The following SLC4A10 variants were observed in gnomAD, a reference collection of about 807,000 sequenced individuals.
SLC4A10 encodes solute carrier family 4 member 10.
In SLC4A10, 42 loss-of-function variants were observed where a neutral mutation model predicts 137.7. The observed-to-expected ratio is 0.30, with a 90% CI of 0.24 to 0.39. The LOEUF (loss-of-function observed/expected upper bound fraction) is 0.39, where lower values mean the gene tolerates loss of function less well. SLC4A10 is among the 10% of genes least tolerant of loss of function. SLC4A10 has a pLI of 1.00. For missense variants in SLC4A10, 925 were observed against 1,355.0 expected, an observed-to-expected ratio of 0.68 and a Z score of 4.98; for synonymous variants, 474 against 464.1, an observed-to-expected ratio of 1.02 and a Z score of -0.27.
chr2:161,744,458 A>G (rs561575634), intron 1 of SLC4A10, among the ~76,000 whole-genome samples: 2 of 152,282 alleles, frequency 1.3e-5, no homozygotes, highest in African/African-American at 4.8e-5. Context: ...TTGTTGAACT[A>G]TTGCTGCATC....
intron 21 of SLC4A10, among the ~76,000 whole-genome samples, chr2:161,963,710 GT>G (rs1697119216): frequency 6.6e-6 from 1 of 152,130 alleles, no homozygotes; most frequent in Admixed American, 6.5e-5. Context: ...AAAGCCATGG[GT>G]ATGGATGAAC....
intron 3 of SLC4A10, among the ~76,000 whole-genome samples, chr2:161,830,186 A>G (rs1171771150): frequency 1.3e-5 from 2 of 151,808 alleles, no homozygotes; most frequent in Non-Finnish European, 2.9e-5. Flanking sequence ...AATAACAACA[A>G]CCAGGGCAGT....
intron 4 of SLC4A10, 36 bp downstream of exon 4, chr2:161,839,963 A>G: frequency 6.2e-7 from 1 of 1,608,348 alleles, no homozygotes. Flanking sequence ...GGTATACTAA[A>G]GAATTTTCAT....
At chr2:161,769,032 T>G (rs994187108) in intron 1 of SLC4A10, among the ~76,000 whole-genome samples, 1 of 151,950 alleles carries the variant, frequency 6.6e-6, no homozygotes, top group Non-Finnish European at 1.5e-5. Flanking sequence ...TACTCTAACA[T>G]TTCAGTTTTC....
intron 13 of SLC4A10, 83 bp from the exon 14 acceptor site, chr2:161,904,693 C>G: frequency 6.6e-7 from 1 of 1,510,234 alleles, no homozygotes; most frequent in South Asian, 1.3e-5. Flanking sequence ...AAGCACATAT[C>G]CATGTATTTT....
At chr2:161,815,161 G>A (rs1409425865) in intron 3 of SLC4A10, among the ~76,000 whole-genome samples, 2 of 152,114 alleles carry the variant, frequency 1.3e-5, no homozygotes, top group Admixed American at 6.6e-5. Context: ...AATATATTTA[G>A]GTAACTGGTA....
chr2:161,631,183 T>C (rs2033483169), intron 1 of SLC4A10, among the ~76,000 whole-genome samples: 1 of 151,630 alleles, frequency 6.6e-6, no homozygotes, highest in African/African-American at 2.4e-5. Context: ...CAGAGTTTCT[T>C]TTTGCAGTGA....
chr2:161,692,310 G>A (rs1225654351), intron 1 of SLC4A10, among the ~76,000 whole-genome samples: 1 of 151,780 alleles, frequency 6.6e-6, no homozygotes, highest in Non-Finnish European at 1.5e-5. Flanking sequence ...AAAATATATA[G>A]GACTATTAAA....
intron 2 of SLC4A10, among the ~76,000 whole-genome samples, chr2:161,782,990 G>C (rs1471471405): frequency 6.6e-6 from 1 of 151,552 alleles, no homozygotes; most frequent in Non-Finnish European, 1.5e-5. Flanking sequence ...GTAATCCAAG[G>C]ACCCCCAAAA....
chr2:161,685,556 C>T (rs1489061365), intron 1 of SLC4A10, among the ~76,000 whole-genome samples: 2 of 151,326 alleles, frequency 1.3e-5, no homozygotes, highest in African/African-American at 4.9e-5. Context: ...TGTAGTGAGC[C>T]GAAATCGTGC....
In SLC4A10 at chr2:161,675,600, CT is replaced by C. The variant is rs149163565; in HGVS notation, c.48+51039del. Among the ~76,000 whole-genome samples the C allele has an allele frequency of 6.6e-3, 1,008 of 152,152 alleles. 11 individuals are homozygous for C. Among genetic ancestry groups the C allele is most frequent in the African/African-American group, 0.023 (960 of 41,530 alleles). ...AAAGCTCTTGACCTCTTTGGGTTTA[CT>C]TTTTACTCATGCTGTAAAATAAGAG... On this transcript the variant is annotated intron_variant, in intron 1 of 26. Coordinates refer to ENST00000446997, the MANE Select transcript of SLC4A10 (RefSeq NM_001178015.2).
At chr2:161,744,852 T>G (rs1030807744) in intron 1 of SLC4A10, among the ~76,000 whole-genome samples, 1 of 152,208 alleles carries the variant, frequency 6.6e-6, no homozygotes, top group Non-Finnish European at 1.5e-5. Flanking sequence ...TATCTTTTAG[T>G]CTTCTTACTC....
chr2:161,680,158 G>A (rs1302529529), intron 1 of SLC4A10, among the ~76,000 whole-genome samples: 1 of 152,076 alleles, frequency 6.6e-6, no homozygotes, highest in Non-Finnish European at 1.5e-5. Flanking sequence ...GCTCCTCTGT[G>A]CTCTCACAAG....
At chr2:161,837,055 A>G (rs1463279741) in intron 3 of SLC4A10, among the ~76,000 whole-genome samples, 1 of 152,186 alleles carries the variant, frequency 6.6e-6, no homozygotes, top group Non-Finnish European at 1.5e-5. Flanking sequence ...GACCAGGAAC[A>G]AAGTAAGCCT....
chr2:161,889,517 G>T (rs2062690260), intron 10 of SLC4A10, among the ~76,000 whole-genome samples: 1 of 152,154 alleles, frequency 6.6e-6, no homozygotes, highest in South Asian at 2.1e-4. Flanking sequence ...TTGGGAGAGT[G>T]TATGTGTTCA....
chr2:161,818,712 C>T (rs2057342886), intron 3 of SLC4A10, among the ~76,000 whole-genome samples: 1 of 152,094 alleles, frequency 6.6e-6, no homozygotes, highest in Non-Finnish European at 1.5e-5. Flanking sequence ...TGTCAAAGGC[C>T]TTTTCTGCAT....
At position 161,773,462 on chromosome 2, in the gene SLC4A10, C is replaced by T. The variant is rs117219991; in HGVS notation, c.130+2408C>T. On this transcript the variant is annotated intron_variant, in intron 2 of 26. Coordinates refer to ENST00000446997, the MANE Select transcript of SLC4A10 (RefSeq NM_001178015.2). ...AGCTTCTTTATTAAGGCAGCTAATA[C>T]ACAATAAATATTTTAAATACAATGG... 3.9e-4 allele frequency among the ~76,000 whole-genome samples: 59 copies of T among 151,924 alleles called. No individual in the cohort carries two copies. In the East Asian group the frequency reaches 8.7e-3, roughly 22 times the overall value.
intron 4 of SLC4A10, among the ~76,000 whole-genome samples, chr2:161,850,446 G>A (rs957336491): frequency 2.6e-5 from 4 of 152,080 alleles, no homozygotes; most frequent in Non-Finnish European, 5.9e-5. Flanking sequence ...ATCTTGGGCA[G>A]TTGAATATTC....
At position 161,775,625 on chromosome 2, in the gene SLC4A10, G is replaced by A. The variant is rs190864440; in HGVS notation, c.130+4571G>A. On this transcript the variant is annotated intron_variant, in intron 2 of 26. Transcript: ENST00000446997. ...TCTATACTGAGCCTTAAACTCCAGG[G>A]TGGATGCATGAAGAGGTGAGGCGAG... is the stretch of plus-strand genomic sequence containing the variant. 5.7e-4 allele frequency among the ~76,000 whole-genome samples: 86 copies of A among 151,944 alleles called. 1 individual carries two copies. The Middle Eastern group carries it at 0.014, about 24-fold the overall frequency.
Sources: gnomAD v4.1 joint callset for allele counts (sites outside exome capture counted in the v4.1 genomes callset) on GRCh38, gnomAD v4.1.1 for gene constraint, MANE v1.5 for transcripts, NCBI Gene and HGNC (gene_info 2026-07-23, HGNC 2026-07-21) for gene names.